Variants in ERC2 observed in about 807,000 individuals in gnomAD.
ERC2 encodes the protein ERC protein 2.
ERC2 carries 42 observed loss-of-function variants against 114.8 expected under a neutral mutation model. The ratio of observed to expected loss-of-function variants is 0.37; its 90% confidence interval spans 0.29 to 0.47. ERC2 has a LOEUF of 0.47. ERC2 is among the 20% of genes least tolerant of loss of function. The pLI is 0.99. For synonymous variants in ERC2, 454 were observed against 425.5 expected (o/e 1.07, Z -0.82); for missense variants, 939 against 1,150.7 (o/e 0.82, Z 2.66).
At chr3:55,986,094 G>A (rs1008425858) in intron 11 of ERC2, 106 bp from the exon 12 acceptor site, 3 of 1,042,260 alleles carry the variant, frequency 2.9e-6, no homozygotes, top group Non-Finnish European at 4.3e-6. Context: ...TAAACATATA[G>A]CCAACAGATG....
intron 14 of ERC2, among the ~76,000 whole-genome samples, chr3:55,857,827 C>T (rs1188285120): frequency 6.6e-6 from 1 of 152,152 alleles, no homozygotes; most frequent in Non-Finnish European, 1.5e-5. Flanking sequence ...CAATGATTTG[C>T]TGACTCATCA....
chr3:56,136,712 C>G (rs1453546007), intron 6 of ERC2, among the ~76,000 whole-genome samples: 1 of 152,052 alleles, frequency 6.6e-6, no homozygotes, highest in South Asian at 2.1e-4. Context: ...GCCCACAATC[C>G]AACAATTAGA....
intron 3 of ERC2, among the ~76,000 whole-genome samples, chr3:56,268,093 C>G (rs1011543458): frequency 1.3e-5 from 2 of 152,038 alleles, no homozygotes; most frequent in Admixed American, 1.3e-4. Context: ...CATGATGTCT[C>G]GATAAATGAC....
chr3:56,427,164 A>G (rs1221940502), intron 2 of ERC2, among the ~76,000 whole-genome samples: 5 of 144,106 alleles, frequency 3.5e-5, no homozygotes, highest in African/African-American at 1.3e-4. Flanking sequence ...CCTGTCTCAG[A>G]AAAAAAAAAA....
chr3:56,333,788 T>A (rs1013033016), intron 2 of ERC2, among the ~76,000 whole-genome samples: 7 of 152,186 alleles, frequency 4.6e-5, no homozygotes, highest in African/African-American at 1.7e-4. Flanking sequence ...ACTTGCAATA[T>A]CTATAATAGT....
At chr3:56,394,327 A>C (rs2060229061) in intron 2 of ERC2, among the ~76,000 whole-genome samples, 1 of 152,196 alleles carries the variant, frequency 6.6e-6, no homozygotes, top group African/African-American at 2.4e-5. Context: ...TATTTCAAAT[A>C]AAACTTTTAG....
At chr3:56,420,025 C>A (rs1048813652) in intron 2 of ERC2, among the ~76,000 whole-genome samples, 1 of 152,006 alleles carries the variant, frequency 6.6e-6, no homozygotes, top group East Asian at 1.9e-4. Context: ...TTCTATTGGT[C>A]TTAGGATTCC....
chr3:56,027,397 C>T (rs2074113664), intron 7 of ERC2, among the ~76,000 whole-genome samples: 1 of 152,190 alleles, frequency 6.6e-6, no homozygotes, highest in Non-Finnish European at 1.5e-5. Flanking sequence ...TACTACTGCA[C>T]TGTTTCCCAG....
chr3:55,634,125 G>A (rs2059862188), intron 17 of ERC2, among the ~76,000 whole-genome samples: 1 of 152,196 alleles, frequency 6.6e-6, no homozygotes, highest in Non-Finnish European at 1.5e-5. Flanking sequence ...TATGTATGTG[G>A]TTTTCAGGCA....
At chr3:55,919,036 A>T (rs1228614530) in intron 13 of ERC2, among the ~76,000 whole-genome samples, 1 of 152,112 alleles carries the variant, frequency 6.6e-6, no homozygotes, top group African/African-American at 2.4e-5. Context: ...CAAAAGGAAA[A>T]ATACAAAAAT....
chr3:55,521,809 CACAA>C (rs1251641161), intron 17 of ERC2, among the ~76,000 whole-genome samples: 5 of 152,318 alleles, frequency 3.3e-5, no homozygotes, highest in Non-Finnish European at 5.9e-5. Flanking sequence ...TTGGGCAAAG[CACAA>C]ACAGTGACTG....
rs189401247 is a variant in ERC2 at position 55,561,474 on chromosome 3, G to T, written c.*40-50198C>A. Among the ~76,000 whole-genome samples the T allele has an allele frequency of 2.6e-5, 4 of 152,192 alleles. No individual in the cohort carries two copies. In the East Asian group the frequency reaches 7.7e-4, roughly 29 times the overall value. ...TTCATTTCACTCAAAGGCATTTATG[G>T]GCATTTGTCAGAACTTAATTTGAAA... On this transcript the variant is annotated intron_variant, in intron 17 of 17. Transcript: ENST00000288221.
intron 17 of ERC2, among the ~76,000 whole-genome samples, chr3:55,674,961 A>G (rs1420108454): frequency 2.0e-5 from 3 of 152,190 alleles, no homozygotes; most frequent in Admixed American, 1.3e-4. Flanking sequence ...GAGTCTCCTT[A>G]TAAAGGCTCA....
intron 7 of ERC2, among the ~76,000 whole-genome samples, chr3:56,019,627 A>G (rs574663519): frequency 4.6e-5 from 7 of 152,292 alleles, no homozygotes; most frequent in African/African-American, 1.7e-4. Flanking sequence ...CAAATGTAAC[A>G]AGTACTAAAC....
At chr3:55,572,369 C>A (rs1320874721) in intron 17 of ERC2, among the ~76,000 whole-genome samples, 1 of 152,144 alleles carries the variant, frequency 6.6e-6, no homozygotes, top group Non-Finnish European at 1.5e-5. Flanking sequence ...AGAGGGAACA[C>A]CCTTCCTGGC....
At chr3:56,173,559 T>A in intron 3 of ERC2, 39 bp from the exon 4 acceptor site, 4 of 1,593,252 alleles carry the variant, frequency 2.5e-6, no homozygotes, top group Non-Finnish European at 3.4e-6. Context: ...TGACGGTTCA[T>A]CCTTCCGTTA....
chr3:55,627,011 T>C (rs2059546109), intron 17 of ERC2, among the ~76,000 whole-genome samples: 1 of 152,218 alleles, frequency 6.6e-6, no homozygotes. Flanking sequence ...TTGCTATTAA[T>C]GTAAAATCAA....
intron 14 of ERC2, among the ~76,000 whole-genome samples, chr3:55,790,685 C>A (rs1300051090): frequency 6.6e-6 from 1 of 152,238 alleles, no homozygotes; most frequent in African/African-American, 2.4e-5. Flanking sequence ...TCTGGGGAAA[C>A]CCAACCCAGA....
At chr3:55,747,366 C>A (rs1202982936) in intron 14 of ERC2, among the ~76,000 whole-genome samples, 1 of 151,954 alleles carries the variant, frequency 6.6e-6, no homozygotes, top group Admixed American at 6.6e-5. Flanking sequence ...GAATGACAGT[C>A]TCAGCATTTC....
Sources: gnomAD v4.1 joint callset for allele counts (sites outside exome capture counted in the v4.1 genomes callset) on GRCh38, gnomAD v4.1.1 for gene constraint, MANE v1.5 for transcripts, NCBI Gene and HGNC (gene_info 2026-07-23, HGNC 2026-07-21) for gene names.